Variants in HS6ST3 observed in about 807,000 individuals in gnomAD.
HS6ST3 encodes the protein heparan-sulfate 6-O-sulfotransferase 3.
A neutral mutation model predicts 36.7 loss-of-function variants in HS6ST3; 12 were observed. That is an observed-to-expected ratio of 0.33 (90% CI 0.21 to 0.53). The LOEUF is 0.53. Ranked by LOEUF, HS6ST3 falls within the 20% of genes least tolerant of loss-of-function variation. The pLI, the probability that HS6ST3 is intolerant of heterozygous loss-of-function variation, is 0.95. For missense variants in HS6ST3, 584 were observed against 640.9 expected (o/e 0.91, Z 0.96); for synonymous variants, 240 against 257.5 (o/e 0.93, Z 0.65).
intron 1 of HS6ST3, among the ~76,000 whole-genome samples, chr13:96,392,296 T>G (rs1205922703): frequency 6.6e-6 from 1 of 152,236 alleles, no homozygotes; most frequent in East Asian, 1.9e-4. Flanking sequence ...ATTAATTAAT[T>G]TATTCATTCA....
At chr13:96,527,489 C>T (rs1337744158) in intron 1 of HS6ST3, among the ~76,000 whole-genome samples, 3 of 152,108 alleles carry the variant, frequency 2.0e-5, no homozygotes, top group Non-Finnish European at 4.4e-5. Flanking sequence ...CCAATAAATA[C>T]ACAATGTAAC....
At chr13:96,319,630 A>G (rs775454825) in intron 1 of HS6ST3, among the ~76,000 whole-genome samples, 65 of 152,292 alleles carry the variant, frequency 4.3e-4, no homozygotes, top group Non-Finnish European at 7.5e-4. Flanking sequence ...GAGAGTTCCA[A>G]TTGCTCCATG....
chr13:96,743,538 C>A (rs1478719724), intron 1 of HS6ST3, among the ~76,000 whole-genome samples: 3 of 152,068 alleles, frequency 2.0e-5, no homozygotes, highest in Admixed American at 2.0e-4. Flanking sequence ...CCCATAATGA[C>A]AGTAGAAATG....
chr13:96,692,244 A>C (rs1874984284), intron 1 of HS6ST3, among the ~76,000 whole-genome samples: 1 of 152,112 alleles, frequency 6.6e-6, no homozygotes, highest in Non-Finnish European at 1.5e-5. Context: ...TTCCTCAGAT[A>C]CCAAAATCCA....
intron 1 of HS6ST3, among the ~76,000 whole-genome samples, chr13:96,161,456 T>C (rs1274228888): frequency 6.6e-6 from 1 of 152,108 alleles, no homozygotes; most frequent in Non-Finnish European, 1.5e-5. Context: ...TGTGAAGAGA[T>C]GCAGTGAGAA....
At chr13:96,092,165 G>A (rs572561267) in intron 1 of HS6ST3, among the ~76,000 whole-genome samples, 9 of 152,290 alleles carry the variant, frequency 5.9e-5, no homozygotes, top group African/African-American at 2.2e-4. Context: ...TCTGGAGATG[G>A]TCTTTGTTGC....
intron 1 of HS6ST3, among the ~76,000 whole-genome samples, chr13:96,272,686 A>G (rs993254016): frequency 6.6e-6 from 1 of 152,052 alleles, no homozygotes; most frequent in African/African-American, 2.4e-5. Flanking sequence ...TTAAAGTCAG[A>G]GTTTTCATTG....
chr13:96,583,208 T>TTTC (rs2056348626), intron 1 of HS6ST3, among the ~76,000 whole-genome samples: 1 of 98,532 alleles, frequency 1.0e-5, no homozygotes, highest in Non-Finnish European at 2.0e-5. Context: ...TCTTTTCTTT[T>TTTC]TTTTTTTTTT....
intron 1 of HS6ST3, among the ~76,000 whole-genome samples, chr13:96,811,577 G>A (rs1314832359): frequency 6.6e-6 from 1 of 152,194 alleles, no homozygotes; most frequent in East Asian, 1.9e-4. Context: ...ACAGAATAGA[G>A]CATCCAGTGG....
chr13:96,413,839 C>G (rs1478129158), intron 1 of HS6ST3, among the ~76,000 whole-genome samples: 1 of 152,170 alleles, frequency 6.6e-6, no homozygotes, highest in Non-Finnish European at 1.5e-5. Context: ...ATTGCTGCTG[C>G]TATTTAGCAT....
intron 1 of HS6ST3, among the ~76,000 whole-genome samples, chr13:96,184,501 C>T (rs980465365): frequency 2.0e-5 from 3 of 152,180 alleles, no homozygotes; most frequent in African/African-American, 7.2e-5. Context: ...CTACTCCATC[C>T]ATTGCTCTCA....
intron 1 of HS6ST3, among the ~76,000 whole-genome samples, chr13:96,341,889 T>A (rs1310679003): frequency 1.3e-5 from 2 of 152,178 alleles, no homozygotes; most frequent in East Asian, 3.8e-4. Flanking sequence ...TCAAATAAAC[T>A]TTACTATAAA....
At chr13:96,559,491 C>A (rs1268725733) in intron 1 of HS6ST3, among the ~76,000 whole-genome samples, 1 of 152,118 alleles carries the variant, frequency 6.6e-6, no homozygotes, top group East Asian at 1.9e-4. Context: ...CTAGTTTATT[C>A]CACTGATATC....
At chr13:96,522,092 C>T (rs570806239) in intron 1 of HS6ST3, among the ~76,000 whole-genome samples, 7 of 152,184 alleles carry the variant, frequency 4.6e-5, no homozygotes, top group Non-Finnish European at 5.9e-5. Context: ...TTATTTCTGC[C>T]TTCATTTTGT....
chr13:96,647,883 A>T (rs114187953), intron 1 of HS6ST3, among the ~76,000 whole-genome samples: 273 of 152,000 alleles, frequency 1.8e-3, no homozygotes, highest in African/African-American at 6.4e-3. Context: ...TCTTACCTTT[A>T]TTTCTTCATT....
intron 1 of HS6ST3, among the ~76,000 whole-genome samples, chr13:96,206,173 C>T (rs2054369375): frequency 6.6e-6 from 1 of 152,026 alleles, no homozygotes; most frequent in South Asian, 2.1e-4. Context: ...CAACAACAGG[C>T]AAGCAGGGAG....
chr13:96,744,034 T>A (rs112321003), intron 1 of HS6ST3, among the ~76,000 whole-genome samples: 4 of 152,186 alleles, frequency 2.6e-5, no homozygotes, highest in African/African-American at 9.6e-5. Flanking sequence ...TTATTTTAAT[T>A]CTCATTTAAA....
intron 1 of HS6ST3, among the ~76,000 whole-genome samples, chr13:96,513,469 A>T (rs961730172): frequency 2.0e-5 from 3 of 152,150 alleles, no homozygotes; most frequent in Non-Finnish European, 4.4e-5. Flanking sequence ...TTTGTTTCAT[A>T]TAATTTTCAC....
chr13:96,811,837 C>A lies in HS6ST3; in HGVS notation c.708-20653C>A, dbSNP rs529160818. Among the ~76,000 whole-genome samples the A allele has an allele frequency of 8.5e-5, 13 of 152,280 alleles. 1 individual carries two copies. In the South Asian group the frequency reaches 2.7e-3, roughly 32 times the overall value. ...CAATATCTGAGTCTCAAGCTCAAGT[C>A]TCGGCTAAGCTACCAAACTCAATTT... is the stretch of plus-strand genomic sequence containing the variant. On this transcript the variant is annotated intron_variant, in intron 1 of 1. Coordinates refer to ENST00000376705, the MANE Select transcript of HS6ST3 (RefSeq NM_153456.4).
Sources: allele counts gnomAD v4.1 joint callset (sites outside exome capture counted in the v4.1 genomes callset), GRCh38; gene constraint gnomAD v4.1.1; transcripts MANE v1.5; gene names NCBI Gene and HGNC (gene_info 2026-07-23, HGNC 2026-07-21).